The following CACNA1C variants were observed in gnomAD, a reference collection of about 807,000 sequenced individuals.
The protein encoded by CACNA1C is calcium voltage-gated channel subunit alpha1 C.
Under a neutral mutation model 229.0 loss-of-function variants are expected in CACNA1C, and 30 were observed. The observed-to-expected ratio is 0.13, with a 90% CI of 0.10 to 0.18. CACNA1C has a LOEUF of 0.18. CACNA1C is among the 10% of genes least tolerant of loss of function. The probability of loss-of-function intolerance (pLI) is 1.00; values close to 1 mark genes in which losing one functional copy is unlikely to be tolerated. For missense variants in CACNA1C, 1,658 were observed against 2,845.0 expected, an observed-to-expected ratio of 0.58 and a Z score of 9.49; for synonymous variants, 1,114 against 1,132.5, an observed-to-expected ratio of 0.98 and a Z score of 0.33.
At chr12:2,131,848 A>G (rs879405431) in intron 3 of CACNA1C, among the ~76,000 whole-genome samples, 138 of 148,108 alleles carry the variant, frequency 9.3e-4, no homozygotes, top group African/African-American at 3.3e-3. Flanking sequence ...GAAGAAAGTC[A>G]TTGGTAGCTT....
At chr12:2,312,525 T>A (rs2095492233) in intron 3 of CACNA1C, among the ~76,000 whole-genome samples, 2 of 152,174 alleles carry the variant, frequency 1.3e-5, no homozygotes. Flanking sequence ...AAAATACTCT[T>A]TGTGTCCCGC....
At chr12:2,474,347 AT>A (rs1371921169) in intron 5 of CACNA1C, among the ~76,000 whole-genome samples, 1 of 152,162 alleles carries the variant, frequency 6.6e-6, no homozygotes, top group East Asian at 1.9e-4. Flanking sequence ...TGTCGCAAAG[AT>A]TTTCCAGTGC....
chr12:2,606,513 C>A (rs756733761), intron 24 of CACNA1C, 98 bp from the exon 25 acceptor site: 1 of 990,580 alleles, frequency 1.0e-6, no homozygotes, highest in Non-Finnish European at 1.6e-6. Context: ...TCCCACTGTC[C>A]CTAGCACAGT....
chr12:2,216,930 G>A (rs751698453), intron 3 of CACNA1C, among the ~76,000 whole-genome samples: 5 of 152,288 alleles, frequency 3.3e-5, no homozygotes, highest in Non-Finnish European at 7.4e-5. Flanking sequence ...AAAAAGTCTA[G>A]GGGCTTTTGG....
chr12:2,375,387 A>G (rs1339058404), intron 3 of CACNA1C, among the ~76,000 whole-genome samples: 1 of 152,196 alleles, frequency 6.6e-6, no homozygotes, highest in Non-Finnish European at 1.5e-5. Flanking sequence ...CAGGCCTGGC[A>G]TGAGGCTCAG....
intron 8 of CACNA1C, among the ~76,000 whole-genome samples, chr12:2,509,575 C>A (rs115622265): frequency 6.6e-6 from 1 of 152,100 alleles, no homozygotes; most frequent in African/African-American, 2.4e-5. Flanking sequence ...CCACTAGCAC[C>A]GTAACTCGCA....
In CACNA1C at chr12:2,329,489, C is replaced by G. The variant is rs542544004; in HGVS notation, c.478-119487C>G. ...AGTGAGGGCCGATGCCTGTCCCCATCAATGAACATCATTCCTTTGTGCCTC... is the reference window on the plus strand; with the variant it reads ...AGTGAGGGCCGATGCCTGTCCCCATGAATGAACATCATTCCTTTGTGCCTC... On this transcript the variant is annotated intron_variant, in intron 3 of 46. Coordinates refer to ENST00000399655, the MANE Select transcript of CACNA1C (RefSeq NM_000719.7). Among the ~76,000 whole-genome samples the G allele has an allele frequency of 3.6e-4, 55 of 152,300 alleles. 2 individuals are homozygous for G. The South Asian group carries it at 0.011, about 30-fold the overall frequency.
intron 1 of CACNA1C, among the ~76,000 whole-genome samples, chr12:2,033,860 C>T (rs1004024857): frequency 5.9e-5 from 9 of 152,216 alleles, no homozygotes; most frequent in Admixed American, 2.6e-4. Flanking sequence ...TGAGAGTTTG[C>T]CTGGCCCTGG....
At chr12:2,128,699 C>T (rs982439059) in intron 3 of CACNA1C, among the ~76,000 whole-genome samples, 2 of 152,222 alleles carry the variant, frequency 1.3e-5, no homozygotes, top group African/African-American at 4.8e-5. Flanking sequence ...GCGTGAGCCA[C>T]TGCGCCCGGC....
Position 2,605,055 on chromosome 12 carries a change from C to T in CACNA1C, c.2961-26C>T, listed in dbSNP as rs778399836. The T allele has an allele frequency of 3.2e-6, 5 of 1,574,076 alleles. No homozygotes were observed. In the South Asian group the frequency reaches 5.5e-5, roughly 17 times the overall value. The stretch of plus-strand genomic sequence containing the variant: ...TCCCCCCAGAAACAGGAGGAGCTTA[C>T]TACCCTGCCTGTTTCCCTCTCCCAG... On this transcript the variant is annotated intron_variant, in intron 22 of 46. Coordinates refer to ENST00000399655, the MANE Select transcript of CACNA1C (RefSeq NM_000719.7). This position sits in a 1 kb window ranked among gnomAD's most constrained non-coding sequence, Gnocchi z 6.2.
intron 3 of CACNA1C, among the ~76,000 whole-genome samples, chr12:2,208,634 A>G (rs922675413): frequency 2.6e-5 from 4 of 152,270 alleles, no homozygotes; most frequent in Admixed American, 2.0e-4. Context: ...GGGCACTGAT[A>G]TTTACCAACC....
intron 3 of CACNA1C, among the ~76,000 whole-genome samples, chr12:2,230,877 G>T (rs1214691783): frequency 6.6e-6 from 1 of 152,180 alleles, no homozygotes; most frequent in Non-Finnish European, 1.5e-5. Flanking sequence ...TTATTATCCC[G>T]ATTTTGCAGA....
At chr12:2,617,388 A>G (rs933869557) in intron 29 of CACNA1C, among the ~76,000 whole-genome samples, 1 of 152,186 alleles carries the variant, frequency 6.6e-6, no homozygotes, top group African/African-American at 2.4e-5. Flanking sequence ...AGGGAGGGCC[A>G]GGGGGCTCTG....
At position 2,585,301 on chromosome 12, in the gene CACNA1C, G is replaced by A. The variant is rs2062001099; in HGVS notation, c.2340-75G>A. 1 of 1,485,554 alleles carries A rather than the reference G, an allele frequency of 6.7e-7. No individual in the cohort carries two copies. Among genetic ancestry groups the A allele is most frequent in the East Asian group, 2.3e-5 (1 of 42,678 alleles). The allele number at this position is 1,485,554 out of a possible 1,614,324, so 92.0% of individuals were successfully genotyped here. ...CCCCTCTGGCCCCAACAGGCCACAG[G>A]GCGGTTCCCTCCTACACTGTTCCCT... On this transcript the variant is annotated intron_variant, in intron 16 of 46. Coordinates refer to ENST00000399655, the MANE Select transcript of CACNA1C (RefSeq NM_000719.7). This position sits in a 1 kb window ranked among gnomAD's most constrained non-coding sequence, Gnocchi z 4.1.
chr12:2,278,058 G>A (rs1309966354), intron 3 of CACNA1C, among the ~76,000 whole-genome samples: 1 of 152,228 alleles, frequency 6.6e-6, no homozygotes, highest in Non-Finnish European at 1.5e-5. Context: ...CAGTCCTCAT[G>A]ATCTGCACTG....
At chr12:2,201,549 A>G (rs553304849) in intron 3 of CACNA1C, among the ~76,000 whole-genome samples, 5 of 152,324 alleles carry the variant, frequency 3.3e-5, no homozygotes, top group African/African-American at 9.6e-5. Context: ...TTTGCTGCCA[A>G]TCTGGGAAAT....
In CACNA1C at chr12:2,287,320, A is replaced by G. The variant is rs1165824352; in HGVS notation, c.478-161656A>G. On this transcript the variant is annotated intron_variant, in intron 3 of 46. Coordinates refer to ENST00000399655, the MANE Select transcript of CACNA1C (RefSeq NM_000719.7). The surrounding 1 kb of genome is among the most constrained non-coding windows in gnomAD (Gnocchi z 4.6). ...GGATTGTGATTGCGACCCGTGCCTC[A>G]TGGAGTGTCGCTGGATACGCGATCA... 6.6e-6 allele frequency among the ~76,000 whole-genome samples: 1 copy of G among 152,238 alleles called. No individual in the cohort carries two copies. Among genetic ancestry groups the G allele is most frequent in the Non-Finnish European group, 1.5e-5 (1 of 68,044 alleles).
intron 3 of CACNA1C, among the ~76,000 whole-genome samples, chr12:2,191,646 A>G (rs892861379): frequency 1.3e-5 from 2 of 151,424 alleles, no homozygotes; most frequent in African/African-American, 2.4e-5. Flanking sequence ...ACATGTAAAC[A>G]GGCACACACA....
Position 2,669,191 on chromosome 12 carries a change from G to A in CACNA1C, c.4726+156G>A, listed in dbSNP as rs114160767. On this transcript the variant is annotated intron_variant, in intron 38 of 46. Transcript: ENST00000399655. The stretch of plus-strand genomic sequence containing the variant: ...GTAACGTGCGCTCCAGGACATCGCA[G>A]GGCCCCAGCCTGCTCATGACTTCTT... 9.7e-3 allele frequency among the ~76,000 whole-genome samples: 1,484 copies of A among 152,244 alleles called. 27 individuals carry two copies. The highest frequency in any genetic ancestry group is 0.034 in the African/African-American group (1,409 of 41,546).
Sources: gnomAD v4.1 joint callset for allele counts (sites outside exome capture counted in the v4.1 genomes callset) on GRCh38, gnomAD v4.1.1 for gene constraint, Gnocchi (gnomAD v3.1) non-coding constraint, MANE v1.5 for transcripts, NCBI Gene and HGNC (gene_info 2026-07-23, HGNC 2026-07-21) for gene names.